The following PDIA6 variants were observed in gnomAD, a reference collection of about 807,000 sequenced individuals.
The protein encoded by PDIA6 is protein disulfide isomerase family A member 6.
PDIA6 carries 29 observed loss-of-function variants against 58.4 expected under a neutral mutation model. That is an observed-to-expected ratio of 0.50 (90% CI 0.37 to 0.68). The LOEUF (loss-of-function observed/expected upper bound fraction) is 0.68. Ranked by LOEUF, PDIA6 falls within the 30% of genes least tolerant of loss-of-function variation. PDIA6 has a pLI of 0.00. For synonymous variants in PDIA6, 192 were observed against 202.6 expected (o/e 0.95, Z 0.44); for missense variants, 480 against 551.0 (o/e 0.87, Z 1.29).
chr2:10,786,830 C>T (rs1665784735), intron 11 of PDIA6, among the ~76,000 whole-genome samples: 1 of 152,156 alleles, frequency 6.6e-6, no homozygotes, highest in African/African-American at 2.4e-5. Flanking sequence ...ATGTTGTTTG[C>T]ACATTGTTGG....
At chr2:10,806,628 CAGA>C (rs1666769461) in intron 1 of PDIA6, among the ~76,000 whole-genome samples, 14 of 70,370 alleles carry the variant, frequency 2.0e-4, no homozygotes, top group East Asian at 9.0e-4. Flanking sequence ...AAAATAAAGA[CAGA>C]AAGAAAGAAA....
chr2:10,835,091 T>C (rs754427273), upstream of PDIA6, among the ~76,000 whole-genome samples: 30 of 152,160 alleles, frequency 2.0e-4, no homozygotes, highest in Non-Finnish European at 3.7e-4. Flanking sequence ...TTTCATAGCG[T>C]GGGTTGATGA....
At chr2:10,793,710 C>A (rs573061845) in intron 4 of PDIA6, among the ~76,000 whole-genome samples, 4 of 152,152 alleles carry the variant, frequency 2.6e-5, no homozygotes, top group Non-Finnish European at 5.9e-5. Flanking sequence ...AAACTCCCTG[C>A]TCAAACACCA....
chr2:10,833,969 T>C (rs1243613515), upstream of PDIA6, among the ~76,000 whole-genome samples: 3 of 152,254 alleles, frequency 2.0e-5, no homozygotes. Context: ...GTTTCTCTTA[T>C]CTTTGGATGT....
intron 4 of PDIA6, among the ~76,000 whole-genome samples, chr2:10,794,136 T>C (rs1185130386): frequency 6.6e-6 from 1 of 152,172 alleles, no homozygotes; most frequent in Non-Finnish European, 1.5e-5. Context: ...CTAGATCTAA[T>C]AGAATCTCTT....
At chr2:10,819,238 A>T in intron 2 of PDIA6, 1 of 1,307,002 alleles carries the variant, frequency 7.7e-7, no homozygotes, top group Non-Finnish European at 1.1e-6. Context: ...TTGTGAACAG[A>T]TGGAGGCTCC....
chr2:10,810,918 T>C (rs1666977320), intron 1 of PDIA6, among the ~76,000 whole-genome samples: 1 of 152,064 alleles, frequency 6.6e-6, no homozygotes, highest in Non-Finnish European at 1.5e-5. Context: ...TCCGAGTGAG[T>C]GTCTAGAATC....
At chr2:10,823,112 C>G (rs17456225) in intron 1 of PDIA6, 39,232 of 152,188 alleles carry the variant, frequency 0.26, 5,334 homozygotes, top group African/African-American at 0.28. Context: ...GTGGCCTGGA[C>G]AAATCACCTT....
At chr2:10,790,680 T>A in intron 7 of PDIA6, 39 bp downstream of exon 7, 1 of 1,384,300 alleles carries the variant, frequency 7.2e-7, no homozygotes. Context: ...CGAAACACCA[T>A]GTATTTCACA....
At chr2:10,795,307 C>T (rs548142947) in intron 4 of PDIA6, among the ~76,000 whole-genome samples, 1 of 152,248 alleles carries the variant, frequency 6.6e-6, no homozygotes, top group South Asian at 2.1e-4. Context: ...TTTATAAAAA[C>T]AGCAGCAGAC....
At chr2:10,806,598 A>T (rs1167902909) in intron 1 of PDIA6, among the ~76,000 whole-genome samples, 1 of 112,210 alleles carries the variant, frequency 8.9e-6, no homozygotes, top group African/African-American at 2.9e-5. Flanking sequence ...AACACAGAAT[A>T]GCAAAACCAC....
At chr2:10,812,998 C>A (rs886437823), upstream of PDIA6, among the ~76,000 whole-genome samples, 1 of 152,132 alleles carries the variant, frequency 6.6e-6, no homozygotes, top group Non-Finnish European at 1.5e-5. Context: ...GCGGGGCTGG[C>A]AGTCTCGGCT....
At chr2:10,801,689 A>C (rs1037940556) in intron 2 of PDIA6, among the ~76,000 whole-genome samples, 1 of 152,216 alleles carries the variant, frequency 6.6e-6, no homozygotes, top group African/African-American at 2.4e-5. Context: ...TGCTACACTG[A>C]GCATGAAGTA....
intron 1 of PDIA6, chr2:10,821,124 T>C: frequency 2.5e-6 from 1 of 401,450 alleles, no homozygotes; most frequent in Non-Finnish European, 4.6e-6. Context: ...GTTGTTGAAA[T>C]ATTGCCCATC....
chr2:10,804,219 T>G (rs1666640530), intron 1 of PDIA6, among the ~76,000 whole-genome samples: 1 of 150,070 alleles, frequency 6.7e-6, no homozygotes, highest in African/African-American at 2.4e-5. Flanking sequence ...TGTGTCCTAG[T>G]TTTTGACAAA....
At chr2:10,812,929 C>T (rs555890898), upstream of PDIA6, 45 of 923,036 alleles carry the variant, frequency 4.9e-5, no homozygotes, top group African/African-American at 7.5e-4. Flanking sequence ...TAGAGGTTAC[C>T]GGTTTGGTTT....
At chr2:10,793,754 G>C (rs942538933) in intron 4 of PDIA6, among the ~76,000 whole-genome samples, 4 of 152,166 alleles carry the variant, frequency 2.6e-5, no homozygotes, top group African/African-American at 4.8e-5. Flanking sequence ...AATGTTTACC[G>C]AACATGAACA....
At chr2:10,813,718 C>T (rs1844386), upstream of PDIA6, among the ~76,000 whole-genome samples, 37,996 of 152,004 alleles carry the variant, frequency 0.25, 5,389 homozygotes, top group East Asian at 0.38. Context: ...TCACTGCAAC[C>T]TCTGCCTCCC....
intron 1 of PDIA6, among the ~76,000 whole-genome samples, chr2:10,811,611 TA>T (rs1489695878): frequency 6.6e-5 from 10 of 152,194 alleles, no homozygotes; most frequent in Non-Finnish European, 1.5e-4. Flanking sequence ...ACAGAGTGGT[TA>T]AGTAACTTGC....
Sources: gnomAD v4.1 joint callset for allele counts (sites outside exome capture counted in the v4.1 genomes callset) on GRCh38, gnomAD v4.1.1 for gene constraint, MANE v1.5 for transcripts, NCBI Gene and HGNC (gene_info 2026-07-23, HGNC 2026-07-21) for gene names.